Variants in BRINP3 observed in about 807,000 individuals in gnomAD.
BRINP3 encodes the protein BMP/retinoic acid-inducible neural-specific protein 3.
Under a neutral mutation model 71.0 loss-of-function variants are expected in BRINP3, and 19 were observed. The observed-to-expected ratio is 0.27, with a 90% CI of 0.19 to 0.39. The LOEUF (loss-of-function observed/expected upper bound fraction) is 0.39. Among genes scored for constraint, BRINP3 ranks in the 10% least tolerant of loss-of-function variants. The probability of loss-of-function intolerance (pLI) is 1.00; values close to 1 mark genes in which losing one functional copy is unlikely to be tolerated. For missense variants in BRINP3, 959 were observed against 940.8 expected (o/e 1.02, Z -0.25); for synonymous variants, 380 against 337.7 (o/e 1.13, Z -1.37).
chr1:190,142,579 AT>A (rs1374103178), intron 7 of BRINP3, among the ~76,000 whole-genome samples: 1 of 152,090 alleles, frequency 6.6e-6, no homozygotes, highest in Non-Finnish European at 1.5e-5. Flanking sequence ...TTGGATACTA[AT>A]TTGAGTGGGG....
intron 6 of BRINP3, among the ~76,000 whole-genome samples, chr1:190,186,481 G>A (rs1184761192): frequency 2.6e-5 from 4 of 152,098 alleles, no homozygotes; most frequent in Non-Finnish European, 5.9e-5. Context: ...TTTAAAATAC[G>A]AAAATAAAGG....
intron 6 of BRINP3, among the ~76,000 whole-genome samples, chr1:190,217,885 C>T (rs1157630414): frequency 1.3e-5 from 2 of 151,984 alleles, no homozygotes; most frequent in Non-Finnish European, 2.9e-5. Flanking sequence ...CTAATCAGTA[C>T]TTCAAAATCT....
At chr1:190,162,988 A>C (rs1022180495) in intron 6 of BRINP3, among the ~76,000 whole-genome samples, 6 of 152,130 alleles carry the variant, frequency 3.9e-5, no homozygotes, top group African/African-American at 1.4e-4. Context: ...TATTTAAAAA[A>C]ATGACTAATG....
chr1:190,328,091 C>A (rs776028312), intron 2 of BRINP3, among the ~76,000 whole-genome samples: 4 of 151,960 alleles, frequency 2.6e-5, no homozygotes, highest in African/African-American at 4.8e-5. Flanking sequence ...GCACTAAATG[C>A]CTACATCAAA....
intron 1 of BRINP3, among the ~76,000 whole-genome samples, chr1:190,472,554 C>A (rs1036284964): frequency 6.6e-6 from 1 of 151,572 alleles, no homozygotes; most frequent in Non-Finnish European, 1.5e-5. Context: ...ATGCAATTTG[C>A]TAAATTACAA....
At chr1:190,147,322 T>C (rs1655975237) in intron 7 of BRINP3, among the ~76,000 whole-genome samples, 1 of 152,132 alleles carries the variant, frequency 6.6e-6, no homozygotes, top group Admixed American at 6.6e-5. Context: ...TAGAAGACGA[T>C]CTTTTCTTTG....
At chr1:190,241,640 C>T (rs951499587) in intron 4 of BRINP3, among the ~76,000 whole-genome samples, 2 of 151,916 alleles carry the variant, frequency 1.3e-5, no homozygotes, top group Non-Finnish European at 2.9e-5. Flanking sequence ...AATGAATTAA[C>T]TTTTATTCTA....
intron 2 of BRINP3, among the ~76,000 whole-genome samples, chr1:190,329,314 T>C (rs995511488): frequency 1.6e-4 from 24 of 151,966 alleles, no homozygotes; most frequent in Non-Finnish European, 3.5e-4. Context: ...CTGGAATGGA[T>C]AAATAACTTC....
At position 190,241,938 on chromosome 1, in the gene BRINP3, G is replaced by A. The variant is rs575269998; in HGVS notation, c.619-7461C>T. On this transcript the variant is annotated intron_variant, in intron 4 of 7. Coordinates refer to ENST00000367462, the MANE Select transcript of BRINP3 (RefSeq NM_199051.3). ...AGTGCCTTATAATATTTTTTCAAAT[G>A]TTAATATTGAGTTTAAAGGTAATTT... Among the ~76,000 whole-genome samples the A allele has an allele frequency of 4.0e-5, 6 of 151,470 alleles. No individual in the cohort carries two copies. The South Asian group carries it at 1.3e-3, about 32-fold the overall frequency.
chr1:190,450,458 G>A (rs967496056), intron 2 of BRINP3, among the ~76,000 whole-genome samples: 10 of 151,978 alleles, frequency 6.6e-5, no homozygotes, highest in Non-Finnish European at 1.5e-5. Flanking sequence ...AATTTATACA[G>A]TATTTTAATA....
chr1:190,153,148 G>A (rs1385047394), intron 7 of BRINP3, among the ~76,000 whole-genome samples: 1 of 152,100 alleles, frequency 6.6e-6, no homozygotes, highest in Non-Finnish European at 1.5e-5. Flanking sequence ...TGGGGTACAT[G>A]CACGATTTTT....
At chr1:190,254,329 T>C (rs1394698771) in intron 4 of BRINP3, among the ~76,000 whole-genome samples, 2 of 152,002 alleles carry the variant, frequency 1.3e-5, no homozygotes, top group Non-Finnish European at 1.5e-5. Context: ...TGTAGATTGA[T>C]GGGGATGCCA....
At chr1:190,314,830 T>C (rs1665772720) in intron 2 of BRINP3, among the ~76,000 whole-genome samples, 1 of 152,102 alleles carries the variant, frequency 6.6e-6, no homozygotes, top group South Asian at 2.1e-4. Flanking sequence ...TTATATAATA[T>C]GGAGACTCTT....
chr1:190,314,497 G>A (rs916348591), intron 2 of BRINP3, among the ~76,000 whole-genome samples: 2 of 152,126 alleles, frequency 1.3e-5, no homozygotes, highest in African/African-American at 4.8e-5. Flanking sequence ...AAAGAGAGAA[G>A]CAGAGACATT....
At chr1:190,265,334 G>A (rs969969444) in intron 3 of BRINP3, among the ~76,000 whole-genome samples, 1 of 151,824 alleles carries the variant, frequency 6.6e-6, no homozygotes, top group Admixed American at 6.6e-5. Context: ...ACAAAGTTTA[G>A]CATAACACTC....
rs576171069 is a variant in BRINP3 at position 190,276,810 on chromosome 1, T to C, written c.427+4750A>G. Among the ~76,000 whole-genome samples the C allele has an allele frequency of 1.1e-4, 17 of 151,156 alleles. No homozygotes were observed. In the East Asian group the frequency reaches 3.3e-3, roughly 30 times the overall value. On this transcript the variant is annotated intron_variant, in intron 3 of 7. Coordinates refer to ENST00000367462, the MANE Select transcript of BRINP3 (RefSeq NM_199051.3). The stretch of plus-strand genomic sequence containing the variant: ...TTGTATTGAAACAAAATTAAATATC[T>C]AAAAAATGCTTAAGTTTAGCCATAG...
intron 2 of BRINP3, among the ~76,000 whole-genome samples, chr1:190,300,161 A>C (rs978511210): frequency 7.2e-5 from 11 of 151,992 alleles, no homozygotes; most frequent in African/African-American, 2.7e-4. Context: ...ACTTGGTTCC[A>C]TTCTCCCCAT....
intron 2 of BRINP3, among the ~76,000 whole-genome samples, chr1:190,323,795 A>T (rs1351956072): frequency 6.6e-6 from 1 of 151,908 alleles, no homozygotes; most frequent in Non-Finnish European, 1.5e-5. Flanking sequence ...AAGATATTGT[A>T]AGAGAAAAAT....
chr1:190,208,686 G>A (rs1318956954), intron 6 of BRINP3, among the ~76,000 whole-genome samples: 1 of 151,784 alleles, frequency 6.6e-6, no homozygotes, highest in African/African-American at 2.4e-5. Flanking sequence ...GTAGAGACGG[G>A]ATTTCACCAT....
Sources: gnomAD v4.1 joint callset for allele counts (sites outside exome capture counted in the v4.1 genomes callset) on GRCh38, gnomAD v4.1.1 for gene constraint, MANE v1.5 for transcripts, NCBI Gene and HGNC (gene_info 2026-07-23, HGNC 2026-07-21) for gene names.